SPATA6: variants seen among roughly 807,000 people sequenced by gnomAD.
SPATA6 encodes the protein spermatogenesis associated 6, also known as spermatogenesis-associated protein 6.
A neutral mutation model predicts 65.3 loss-of-function variants in SPATA6; 56 were observed. That is an observed-to-expected ratio of 0.86 (90% CI 0.69 to 1.07). The LOEUF (loss-of-function observed/expected upper bound fraction) is 1.07, where lower values mean the gene tolerates loss of function less well. SPATA6 is among the 50% of genes least tolerant of loss of function. The probability of loss-of-function intolerance (pLI) is 0.00; values close to 1 mark genes in which losing one functional copy is unlikely to be tolerated. For synonymous variants in SPATA6, 199 were observed against 213.2 expected, an observed-to-expected ratio of 0.93 and a Z score of 0.58; for missense variants, 590 against 594.8, an observed-to-expected ratio of 0.99 and a Z score of 0.08.
Position 48,323,768 on chromosome 1 carries a change from T to C in SPATA6, c.1195-17890A>G, listed in dbSNP as rs548985748. Among the ~76,000 whole-genome samples the C allele has an allele frequency of 7.8e-4, 119 of 152,096 alleles. 1 individual carries two copies. Among genetic ancestry groups the C allele is most frequent in the African/African-American group, 2.8e-3 (116 of 41,492 alleles). On this transcript the variant is annotated intron_variant, in intron 11 of 12. Coordinates refer to ENST00000371847, the MANE Select transcript of SPATA6 (RefSeq NM_019073.4). ...GGAAAACCTAAAAAAAATGTACAAA[T>C]TCCTAAACACGTAAAACTTACCAAG... is the stretch of plus-strand genomic sequence containing the variant.
At chr1:48,325,018 T>A in intron 11 of SPATA6, 1 of 259,674 alleles carries the variant, frequency 3.9e-6, no homozygotes, top group Non-Finnish European at 7.8e-6. Flanking sequence ...GTTCACTAGC[T>A]CCCCATCAAC....
intron 8 of SPATA6, among the ~76,000 whole-genome samples, chr1:48,389,321 T>C (rs570438579): frequency 3.0e-4 from 46 of 152,294 alleles, no homozygotes; most frequent in Admixed American, 2.9e-3. Flanking sequence ...ACAAATCATC[T>C]GTATCCCCAA....
chr1:48,376,882 T>G (rs1647979088), intron 9 of SPATA6, among the ~76,000 whole-genome samples: 1 of 152,178 alleles, frequency 6.6e-6, no homozygotes. Context: ...TGATAAGGAT[T>G]TGTATATCAG....
At chr1:48,408,662 G>C (rs1273600521) in intron 5 of SPATA6, among the ~76,000 whole-genome samples, 2 of 152,026 alleles carry the variant, frequency 1.3e-5, no homozygotes, top group South Asian at 4.2e-4. Flanking sequence ...CCTGAGAATG[G>C]GCAATTTACA....
chr1:48,384,968 G>A (rs1017488524), intron 9 of SPATA6, among the ~76,000 whole-genome samples: 1 of 152,086 alleles, frequency 6.6e-6, no homozygotes, highest in Non-Finnish European at 1.5e-5. Flanking sequence ...CAAAAATTAT[G>A]AGGGTGCTCT....
chr1:48,327,672 G>A (rs1645802524), intron 11 of SPATA6, among the ~76,000 whole-genome samples: 1 of 152,100 alleles, frequency 6.6e-6, no homozygotes, highest in Non-Finnish European at 1.5e-5. Context: ...GTCCTTTGCA[G>A]CAACACAGAT....
At chr1:48,359,279 A>C (rs867303005) in intron 10 of SPATA6, among the ~76,000 whole-genome samples, 7 of 152,180 alleles carry the variant, frequency 4.6e-5, no homozygotes, top group Non-Finnish European at 1.0e-4. Context: ...CAAGCCTATA[A>C]TATTAAATTC....
chr1:48,315,025 G>A (rs902171741), intron 11 of SPATA6, among the ~76,000 whole-genome samples: 1 of 152,042 alleles, frequency 6.6e-6, no homozygotes. Context: ...ACCAATAACA[G>A]GCTCTGAAAT....
At chr1:48,369,909 G>A (rs1009265287) in intron 9 of SPATA6, among the ~76,000 whole-genome samples, 1 of 152,050 alleles carries the variant, frequency 6.6e-6, no homozygotes, top group Non-Finnish European at 1.5e-5. Flanking sequence ...CCTCCTATTC[G>A]GCCATCTTGG....
At chr1:48,360,353 CA>C (rs1374308799) in intron 9 of SPATA6, among the ~76,000 whole-genome samples, 5 of 151,894 alleles carry the variant, frequency 3.3e-5, no homozygotes, top group African/African-American at 1.2e-4. Flanking sequence ...ACATGAGAAG[CA>C]GGGGGGTTAA....
chr1:48,459,908 G>T (rs11804215), intron 1 of SPATA6, among the ~76,000 whole-genome samples: 1 of 151,810 alleles, frequency 6.6e-6, no homozygotes, highest in Non-Finnish European at 1.5e-5. Flanking sequence ...AGACAAATTA[G>T]AAAAAAACTT....
Position 48,418,992 on chromosome 1 carries a change from T to C in SPATA6, c.239-5841A>G, listed in dbSNP as rs542312012. 7.2e-4 allele frequency among the ~76,000 whole-genome samples: 109 copies of C among 152,286 alleles called. 1 individual carries two copies. The highest frequency in any genetic ancestry group is 2.1e-4 in the South Asian group (1 of 4,830). On this transcript the variant is annotated intron_variant, in intron 3 of 12. Coordinates refer to ENST00000371847, the MANE Select transcript of SPATA6 (RefSeq NM_019073.4). ...GCTCAGTTTCTTAATTTTCCATATA[T>C]ACTAACACTATATTTTTCCTGAGGT...
At chr1:48,381,618 A>C (rs988186676) in intron 9 of SPATA6, among the ~76,000 whole-genome samples, 1 of 150,434 alleles carries the variant, frequency 6.6e-6, no homozygotes, top group Non-Finnish European at 1.5e-5. Flanking sequence ...GTACATAAAC[A>C]ATGATATTTT....
chr1:48,335,563 G>A (rs1185912707), intron 11 of SPATA6, among the ~76,000 whole-genome samples: 1 of 152,112 alleles, frequency 6.6e-6, no homozygotes, highest in Non-Finnish European at 1.5e-5. Context: ...TCAATAAATA[G>A]TGCTGGAATA....
At chr1:48,340,060 C>T (rs1646166381) in intron 11 of SPATA6, among the ~76,000 whole-genome samples, 1 of 151,526 alleles carries the variant, frequency 6.6e-6, no homozygotes, top group African/African-American at 2.4e-5. Flanking sequence ...ATAAGACTAA[C>T]AACACACTTC....
intron 4 of SPATA6, among the ~76,000 whole-genome samples, chr1:48,412,237 A>G (rs1570488843): frequency 6.6e-6 from 1 of 152,210 alleles, no homozygotes; most frequent in Non-Finnish European, 1.5e-5. Flanking sequence ...AATATCAGAA[A>G]TGAAACTAGC....
At chr1:48,464,942 AG>A (rs1462597047) in intron 1 of SPATA6, among the ~76,000 whole-genome samples, 4 of 152,208 alleles carry the variant, frequency 2.6e-5, no homozygotes, top group Non-Finnish European at 2.9e-5. Context: ...AAGTTTGTCA[AG>A]TAAAATAATC....
chr1:48,364,370 T>C (rs377220390), intron 9 of SPATA6, among the ~76,000 whole-genome samples: 1 of 152,226 alleles, frequency 6.6e-6, no homozygotes, highest in African/African-American at 2.4e-5. Context: ...CCCTGAGGAA[T>C]CGCCACACTG....
intron 3 of SPATA6, among the ~76,000 whole-genome samples, chr1:48,420,205 T>C (rs1653193094): frequency 6.6e-6 from 1 of 152,172 alleles, no homozygotes; most frequent in African/African-American, 2.4e-5. Context: ...TGGAGGTTCC[T>C]GGAGGGTGGC....
Sources: gnomAD v4.1 joint callset for allele counts (sites outside exome capture counted in the v4.1 genomes callset) on GRCh38, gnomAD v4.1.1 for gene constraint, MANE v1.5 for transcripts, NCBI Gene and HGNC (gene_info 2026-07-23, HGNC 2026-07-21) for gene names.